TIGAR: variants seen among roughly 807,000 people sequenced by gnomAD.
TIGAR encodes fructose-2,6-bisphosphatase TIGAR.
TIGAR carries 7 observed loss-of-function variants against 17.9 expected under a neutral mutation model. The ratio of observed to expected loss-of-function variants is 0.39; its 90% CI spans 0.22 to 0.73. The LOEUF is 0.73. Ranked by LOEUF, TIGAR falls within the 30% of genes least tolerant of loss-of-function variation. TIGAR has a pLI of 0.42. For synonymous variants in TIGAR, 94 were observed against 108.6 expected, an observed-to-expected ratio of 0.87 and a Z score of 0.84; for missense variants, 258 against 327.4, an observed-to-expected ratio of 0.79 and a Z score of 1.64.
At chr12:4,339,394 T>C (rs1459438377) in intron 3 of TIGAR, among the ~76,000 whole-genome samples, 1 of 152,154 alleles carries the variant, frequency 6.6e-6, no homozygotes, top group East Asian at 1.9e-4. Flanking sequence ...AGTACCAAGA[T>C]TGAAGCCATT....
Position 4,357,652 on chromosome 12 carries a change from CCA to C in TIGAR, c.*4964_*4965del, listed in dbSNP as rs1397212408. Reference sequence around the variant, plus strand: ...GCTTTAAAAACTTTAGGATTTCCCCCCACAGTTCTCAATCACTTGGTTCATTG... The same window carrying C: ...GCTTTAAAAACTTTAGGATTTCCCCCCAGTTCTCAATCACTTGGTTCATTG... On this transcript the variant is annotated 3_prime_UTR_variant, in exon 6 of 6. Transcript: ENST00000179259. Among the ~76,000 whole-genome samples, 1 of 152,124 alleles carries C rather than the reference CCA, an allele frequency of 6.6e-6. No individual in the cohort carries two copies. Among genetic ancestry groups the C allele is most frequent in the Non-Finnish European group, 1.5e-5 (1 of 68,020 alleles).
intron 3 of TIGAR, among the ~76,000 whole-genome samples, chr12:4,347,642 C>T (rs529261384): frequency 1.6e-4 from 25 of 152,176 alleles, no homozygotes; most frequent in African/African-American, 5.8e-4. Flanking sequence ...ATGGCTGTAT[C>T]AAAGTGTCTC....
In TIGAR at chr12:4,358,036, G is replaced by A. The variant is rs1257112096; in HGVS notation, c.*5345G>A. 6.6e-6 allele frequency among the ~76,000 whole-genome samples: 1 copy of A among 150,968 alleles called. No individual in the cohort carries two copies. Among genetic ancestry groups the A allele is most frequent in the Non-Finnish European group, 1.5e-5 (1 of 67,916 alleles). ...GTAGAATGGCGTGAACCCGGGAGGT[G>A]GAGCTTGCAGTGAGCCAAGGTCGCG... On this transcript the variant is annotated 3_prime_UTR_variant, in exon 6 of 6. Transcript: ENST00000179259.
intron 1 of TIGAR, among the ~76,000 whole-genome samples, chr12:4,325,741 CAAAAA>C (rs11447841): frequency 1.8e-5 from 2 of 111,850 alleles, no homozygotes; most frequent in Admixed American, 9.2e-5. Flanking sequence ...AAACTCGTCT[CAAAAA>C]AAAAAAAAAA....
Position 4,355,968 on chromosome 12 carries a change from G to A in TIGAR, c.*3277G>A, listed in dbSNP as rs540397821. The stretch of plus-strand genomic sequence containing the variant: ...TGAGCAAGGGGGATGGGAGAGTGAC[G>A]GGAGAAGAGGACAGGCCACATGGCC... On this transcript the variant is annotated 3_prime_UTR_variant, in exon 6 of 6. Coordinates refer to ENST00000179259, the MANE Select transcript of TIGAR (RefSeq NM_020375.3). Among the ~76,000 whole-genome samples the A allele has an allele frequency of 6.1e-4, 93 of 152,338 alleles. 1 individual carries two copies. The highest frequency in any genetic ancestry group is 1.3e-4 in the Non-Finnish European group (9 of 68,016).
intron 1 of TIGAR, chr12:4,324,392 G>A (rs1283859690): frequency 4.2e-6 from 5 of 1,179,296 alleles, no homozygotes; most frequent in Non-Finnish European, 6.4e-6. Context: ...GGGATGAAGC[G>A]GGAGGAGTGG....
intron 3 of TIGAR, among the ~76,000 whole-genome samples, chr12:4,342,612 C>G (rs984078752): frequency 6.6e-6 from 1 of 152,128 alleles, no homozygotes; most frequent in Admixed American, 6.5e-5. Context: ...ATTTTCAACC[C>G]AGAATTTCAT....
chr12:4,351,689 A>C (rs923769800), intron 5 of TIGAR, among the ~76,000 whole-genome samples: 2 of 152,172 alleles, frequency 1.3e-5, no homozygotes, highest in Non-Finnish European at 2.9e-5. Flanking sequence ...ACTCGAGGTG[A>C]AATAACTCAA....
At chr12:4,336,762 A>C (rs1864664068) in intron 2 of TIGAR, among the ~76,000 whole-genome samples, 1 of 152,182 alleles carries the variant, frequency 6.6e-6, no homozygotes, top group Non-Finnish European at 1.5e-5. Flanking sequence ...GAGAGGGGCA[A>C]ACATAAAAGA....
intron 4 of TIGAR, 84 bp from the exon 5 acceptor site, chr12:4,351,183 A>C: frequency 3.3e-6 from 4 of 1,225,252 alleles, no homozygotes; most frequent in Non-Finnish European, 4.8e-6. Flanking sequence ...CCTGGGATGA[A>C]TGTTCTAAAT....
chr12:4,352,008 C>T (rs1864842236), intron 5 of TIGAR, among the ~76,000 whole-genome samples: 1 of 152,156 alleles, frequency 6.6e-6, no homozygotes, highest in African/African-American at 2.4e-5. Context: ...GCTTTGAACT[C>T]AGGAATTGGG....
chr12:4,323,694 T>C (rs1449848116), intron 1 of TIGAR, among the ~76,000 whole-genome samples: 9 of 152,236 alleles, frequency 5.9e-5, no homozygotes, highest in Non-Finnish European at 1.2e-4. Flanking sequence ...TGTAGATTAC[T>C]TGAACATCAC....
chr12:4,321,368 G>A lies in TIGAR; in HGVS notation c.32+65G>A, dbSNP rs1864475166. Reference sequence around the variant, plus strand: ...CCTTGAGTGTGTTGGAGCGGGTGAAGGGAAAACGGGTCCACCACCCTCTCC... The same window carrying A: ...CCTTGAGTGTGTTGGAGCGGGTGAAAGGAAAACGGGTCCACCACCCTCTCC... On this transcript the variant is annotated intron_variant, in intron 1 of 5. Transcript: ENST00000179259. The surrounding 1 kb of genome is among the most constrained non-coding windows in gnomAD (Gnocchi z 5.2). 6.3e-7 allele frequency: 1 copy of A among 1,591,026 alleles called. No homozygotes were observed. Among genetic ancestry groups the A allele is most frequent in the African/African-American group, 1.3e-5 (1 of 74,478 alleles).
In TIGAR at chr12:4,321,925, G is replaced by C. The variant is rs553563158; in HGVS notation, c.32+622G>C. ...CGTTACACGGAGCTGCATGCTGATA[G>C]GTCTTTATGTATTTGCCAAGTGTTA... is the stretch of plus-strand genomic sequence containing the variant. On this transcript the variant is annotated intron_variant, in intron 1 of 5. Transcript: ENST00000179259. The surrounding 1 kb of genome is among the most constrained non-coding windows in gnomAD (Gnocchi z 5.2). Among the ~76,000 whole-genome samples, 1 of 152,202 alleles carries C rather than the reference G, an allele frequency of 6.6e-6. No individual in the cohort carries two copies. Among genetic ancestry groups the C allele is most frequent in the Non-Finnish European group, 1.5e-5 (1 of 68,040 alleles).
At chr12:4,325,429 A>G (rs1007667320) in intron 1 of TIGAR, among the ~76,000 whole-genome samples, 2 of 152,208 alleles carry the variant, frequency 1.3e-5, no homozygotes, top group African/African-American at 2.4e-5. Context: ...CTATAAAAGT[A>G]TAAAGATACC....
Position 4,359,776 on chromosome 12 carries a change from A to G in TIGAR, c.*7085A>G, listed in dbSNP as rs1478874978. Among the ~76,000 whole-genome samples, 1 of 152,146 alleles carries G rather than the reference A, an allele frequency of 6.6e-6. No homozygotes were observed. The highest frequency in any genetic ancestry group is 1.5e-5 in the Non-Finnish European group (1 of 68,040). On this transcript the variant is annotated 3_prime_UTR_variant, in exon 6 of 6. Coordinates refer to ENST00000179259, the MANE Select transcript of TIGAR (RefSeq NM_020375.3). ...GTTGGTGTATGTTTAGTTTTATAAGACACTTGCCAGATCTTTTTCCATGGT... is the reference window on the plus strand; with the variant it reads ...GTTGGTGTATGTTTAGTTTTATAAGGCACTTGCCAGATCTTTTTCCATGGT...
At chr12:4,336,243 C>G (rs917374021) in intron 2 of TIGAR, among the ~76,000 whole-genome samples, 3 of 152,164 alleles carry the variant, frequency 2.0e-5, no homozygotes, top group Admixed American at 1.3e-4. Flanking sequence ...TACAGGAGCC[C>G]TCGCTCCCAA....
intron 1 of TIGAR, among the ~76,000 whole-genome samples, chr12:4,326,093 A>AT (rs567879253): frequency 4.2e-4 from 64 of 152,348 alleles, no homozygotes; most frequent in African/African-American, 1.5e-3. Context: ...TGAATGATGT[A>AT]TATTTGTAGG....
chr12:4,352,129 T>C (rs754428881), intron 5 of TIGAR, 131 bp from the exon 6 acceptor site: 3 of 683,114 alleles, frequency 4.4e-6, no homozygotes, highest in African/African-American at 1.8e-5. Flanking sequence ...AAATGTAGAT[T>C]GATATTCTTC....
Sources: gnomAD v4.1 joint callset for allele counts (sites outside exome capture counted in the v4.1 genomes callset) on GRCh38, gnomAD v4.1.1 for gene constraint, Gnocchi (gnomAD v3.1) non-coding constraint, MANE v1.5 for transcripts, NCBI Gene and HGNC (gene_info 2026-07-23, HGNC 2026-07-21) for gene names.